The following MYH9 variants were observed in gnomAD, a reference collection of about 807,000 sequenced individuals.
MYH9 encodes myosin-9.
Under a neutral mutation model 241.9 loss-of-function variants are expected in MYH9, and 29 were observed. The observed-to-expected ratio is 0.12, with a 90% CI of 0.09 to 0.16. The LOEUF is 0.16. Among genes scored for constraint, MYH9 ranks in the 10% least tolerant of loss-of-function variants. The pLI is 1.00. For missense variants in MYH9, 1,803 were observed against 2,595.5 expected (o/e 0.69, Z 6.63); for synonymous variants, 1,047 against 1,062.6 (o/e 0.99, Z 0.29).
intron 14 of MYH9, 86 bp from the exon 15 acceptor site, chr22:36,309,482 G>T: frequency 9.9e-7 from 1 of 1,014,624 alleles, no homozygotes; most frequent in Non-Finnish European, 1.6e-6. Context: ...CTAACCCCAT[G>T]CATGGAAAAG....
At position 36,293,679 on chromosome 22, in the gene MYH9, G is replaced by A; in HGVS notation, c.3942+80C>T. The A allele has an allele frequency of 7.2e-7, 1 of 1,393,172 alleles. No homozygotes were observed. Among genetic ancestry groups the A allele is most frequent in the Non-Finnish European group, 1.0e-6 (1 of 993,324 alleles). 86.3% of individuals were successfully genotyped at this position (1,393,172 alleles called of 1,614,324 possible). ...TGAAGGAGAGGATGGGCAATCCGAT[G>A]GGCTCTGAAGCTAATGTTGCGTGGA... is the stretch of plus-strand genomic sequence containing the variant. On this transcript the variant is annotated intron_variant, in intron 29 of 40. Transcript: ENST00000216181. The surrounding 1 kb of genome is among the most constrained non-coding windows in gnomAD (Gnocchi z 5.1).
At chr22:36,358,997 C>T (rs926236442) in intron 1 of MYH9, among the ~76,000 whole-genome samples, 7 of 152,188 alleles carry the variant, frequency 4.6e-5, no homozygotes, top group Non-Finnish European at 8.8e-5. Context: ...CCCAGTCACA[C>T]TACACTCTGC....
At chr22:36,290,510 C>T (rs1005354898) in intron 31 of MYH9, among the ~76,000 whole-genome samples, 3 of 152,330 alleles carry the variant, frequency 2.0e-5, no homozygotes, top group African/African-American at 7.2e-5. Context: ...CCTCCACCTC[C>T]CAGCCGCCTG....
chr22:36,309,578 T>C lies in MYH9; in HGVS notation c.1729-182A>G, dbSNP rs1557531. Reference sequence around the variant, plus strand: ...ATAAGGGGAGCGAGGCATCAAGACGTTCTCTGCGGCGTCTCGTGCAGAGCC... The same window carrying C: ...ATAAGGGGAGCGAGGCATCAAGACGCTCTCTGCGGCGTCTCGTGCAGAGCC... On this transcript the variant is annotated intron_variant, in intron 14 of 40. Transcript: ENST00000216181. Among the ~76,000 whole-genome samples the C allele has an allele frequency of 0.52, 79,444 of 151,790 alleles. 23,492 individuals carry two copies. Among genetic ancestry groups the C allele is most frequent in the Non-Finnish European group, 0.67 (45,748 of 67,832 alleles).
chr22:36,301,152 A>C, intron 21 of MYH9, 95 bp from the exon 22 acceptor site: 1 of 1,229,508 alleles, frequency 8.1e-7, no homozygotes, highest in Non-Finnish European at 1.2e-6. Context: ...TCCCAGAGGG[A>C]AAGGAACATG....
chr22:36,304,291 C>T, intron 18 of MYH9, 136 bp from the exon 19 acceptor site: 2 of 884,472 alleles, frequency 2.3e-6, no homozygotes, highest in African/African-American at 1.7e-5. Context: ...AGCAGAAAGC[C>T]ATCTCCTCTC....
chr22:36,306,101 T>A lies in MYH9; in HGVS notation c.2038-50A>T. The A allele has an allele frequency of 6.2e-7, 1 of 1,609,184 alleles. No individual in the cohort carries two copies. Among genetic ancestry groups the A allele is most frequent in the Non-Finnish European group, 8.5e-7 (1 of 1,179,848 alleles). On this transcript the variant is annotated intron_variant, in intron 16 of 40. Transcript: ENST00000216181. The surrounding 1 kb of genome is among the most constrained non-coding windows in gnomAD (Gnocchi z 4.1). ...GGTCTCACTTCCGTGCCTAGAACAGTCGGAGAATAGTCAGGGAACCCCTAT... is the reference window on the plus strand; with the variant it reads ...GGTCTCACTTCCGTGCCTAGAACAGACGGAGAATAGTCAGGGAACCCCTAT...
At chr22:36,315,608 T>G (rs976484253) in intron 12 of MYH9, among the ~76,000 whole-genome samples, 2 of 151,984 alleles carry the variant, frequency 1.3e-5, no homozygotes, top group East Asian at 1.9e-4. Flanking sequence ...ATTAGCCAGG[T>G]GTCATGCCAC....
At chr22:36,369,435 G>A (rs1295148209) in intron 1 of MYH9, among the ~76,000 whole-genome samples, 1 of 152,206 alleles carries the variant, frequency 6.6e-6, no homozygotes, top group Non-Finnish European at 1.5e-5. Context: ...GCCGGCTCTG[G>A]GCAGAAGGCG....
intron 2 of MYH9, among the ~76,000 whole-genome samples, chr22:36,347,607 GGCCTGTAGTCCCA>G (rs1448654777): frequency 4.6e-5 from 7 of 151,776 alleles, no homozygotes; most frequent in African/African-American, 1.7e-4. Context: ...TGGTGGCACA[GGCCTGTAGTCCCA>G]GCCACCAGAG....
chr22:36,305,858 A>T lies in MYH9; in HGVS notation c.2159+72T>A. On this transcript the variant is annotated intron_variant, in intron 17 of 40. Coordinates refer to ENST00000216181, the MANE Select transcript of MYH9 (RefSeq NM_002473.6). The surrounding 1 kb of genome is among the most constrained non-coding windows in gnomAD (Gnocchi z 4.7). ...TCACGACAGGATCCTGCCAGGGAGC[A>T]GCAGCCCACCTCTGGGACTCACTGC... 6.2e-7 allele frequency: 1 copy of T among 1,605,794 alleles called. No homozygotes were observed. Among genetic ancestry groups the T allele is most frequent in the Non-Finnish European group, 8.5e-7 (1 of 1,175,914 alleles).
chr22:36,318,122 G>A, intron 11 of MYH9, 85 bp downstream of exon 11: 1 of 1,193,490 alleles, frequency 8.4e-7, no homozygotes, highest in Non-Finnish European at 1.2e-6. Context: ...GGACACCCCA[G>A]GATGGCCCAC....
rs745513016 is a variant in MYH9, at chr22:36,285,774, C to A, written c.5158G>T (p.Ala1720Ser). The A allele has an allele frequency of 6.8e-6, 11 of 1,609,800 alleles. No individual in the cohort carries two copies. In the East Asian group the frequency reaches 2.5e-4, roughly 36 times the overall value. The change falls in exon 37 of 41, where the codon GCG (alanine) becomes TCG (serine). Residue 1720 changes from alanine (A) to serine (S), a missense_variant. By Grantham distance (99) the Ala-to-Ser change is moderately conservative (BLOSUM62 1). Around this residue, in one of 11 missense-constraint regions of MYH9, gnomAD observed 876 missense variants for 1,077.8 expected, o/e 0.81. Coordinates refer to ENST00000216181, the MANE Select transcript of MYH9 (RefSeq NM_002473.6). The surrounding 1 kb of genome is among the most constrained non-coding windows in gnomAD (Gnocchi z 7.0). ...IANSSGKGALALEEKRRLEAR... is the reference protein window; with the variant it reads ...IANSSGKGALSLEEKRRLEAR... ...TCCAGACGCCGCTTCTCCTCTAACG[C>A]CAGGGCTCTGCGGGGTGGGCGGGAG...
chr22:36,319,681 G>A, intron 9 of MYH9, 46 bp from the exon 10 acceptor site: 2 of 1,582,124 alleles, frequency 1.3e-6, no homozygotes, highest in Admixed American at 1.7e-5. Context: ...ATGGGTCATG[G>A]TGATTCCCGG....
chr22:36,298,244 T>G lies in MYH9; in HGVS notation c.3100+675A>C, dbSNP rs191554725. Among the ~76,000 whole-genome samples the G allele has an allele frequency of 2.1e-3, 325 of 152,238 alleles. 1 individual carries two copies. Among genetic ancestry groups the G allele is most frequent in the Middle Eastern group, 6.8e-3 (2 of 294 alleles). ...GTTCCCAGAGTAGTCGGGGTTCCCC[T>G]GTTCCCCCAGCTGTCCACTCCTCTC... On this transcript the variant is annotated intron_variant, in intron 24 of 40. Transcript: ENST00000216181.
chr22:36,349,997 G>A (rs1029219807), intron 1 of MYH9, among the ~76,000 whole-genome samples: 1 of 152,166 alleles, frequency 6.6e-6, no homozygotes, highest in Non-Finnish European at 1.5e-5. Flanking sequence ...ATTAGTTCAT[G>A]AAGTCAACTA....
At chr22:36,315,868 T>C (rs1310469745) in intron 12 of MYH9, among the ~76,000 whole-genome samples, 2 of 144,800 alleles carry the variant, frequency 1.4e-5, no homozygotes, top group East Asian at 2.2e-4. Flanking sequence ...TGAGGCCCCA[T>C]CTCTACAAAA....
At chr22:36,316,368 A>T in intron 12 of MYH9, 149 bp downstream of exon 12, 1 of 999,046 alleles carries the variant, frequency 1.0e-6, no homozygotes, top group Non-Finnish European at 1.5e-6. Flanking sequence ...AAAAAAAAAA[A>T]CAACCCCACA....
intron 1 of MYH9, among the ~76,000 whole-genome samples, chr22:36,375,488 AT>A (rs1159610518): frequency 6.6e-6 from 1 of 152,176 alleles, no homozygotes. Flanking sequence ...CTCTCTGCCC[AT>A]TGAATGAATG....
Sources: allele counts gnomAD v4.1 joint callset (sites outside exome capture counted in the v4.1 genomes callset), GRCh38; gene constraint gnomAD v4.1.1; regional missense constraint gnomAD v4.1.1; non-coding constraint Gnocchi (gnomAD v3.1); transcripts MANE v1.5; gene names NCBI Gene and HGNC (gene_info 2026-07-23, HGNC 2026-07-21).